ESR1: variants seen among roughly 807,000 people sequenced by gnomAD.
ESR1 encodes the protein estrogen receptor 1, also known as estrogen receptor.
A neutral mutation model predicts 52.7 loss-of-function variants in ESR1; 12 were observed. The observed-to-expected ratio is 0.23, with a 90% CI of 0.15 to 0.37. The LOEUF (loss-of-function observed/expected upper bound fraction) is 0.37, where lower values mean the gene tolerates loss of function less well. Among genes scored for constraint, ESR1 ranks in the 10% least tolerant of loss-of-function variants. ESR1 has a pLI of 1.00. For synonymous variants in ESR1, 305 were observed against 316.8 expected (o/e 0.96, Z 0.39); for missense variants, 584 against 779.7 (o/e 0.75, Z 2.99).
At chr6:151,744,508 A>G (rs1039845504) in intron 2 of ESR1, among the ~76,000 whole-genome samples, 1 of 152,208 alleles carries the variant, frequency 6.6e-6, no homozygotes, top group South Asian at 2.1e-4. Context: ...GGCCATTTGC[A>G]TATCTTCCTT....
intron 5 of ESR1, among the ~76,000 whole-genome samples, chr6:152,043,079 C>T (rs1447777909): frequency 6.6e-6 from 1 of 152,182 alleles, no homozygotes; most frequent in African/African-American, 2.4e-5. Context: ...GGTATATCTT[C>T]TGTACTCTCC....
rs545901617 is a variant in ESR1, at chr6:151,675,830, T to C, written n.73+19067T>C. ...ACAAAATTAGCAAAATTCGAATTGA[T>C]GCCGGAAACTGGTGAAGCCGCCATA... On this transcript the variant is annotated intron_variant and non_coding_transcript_variant, in intron 1 of 2. Transcript: ENST00000473497. 1.1e-3 allele frequency among the ~76,000 whole-genome samples: 168 copies of C among 152,312 alleles called. 1 individual carries two copies. Among genetic ancestry groups the C allele is most frequent in the African/African-American group, 3.9e-3 (163 of 41,566 alleles).
intron 6 of ESR1, among the ~76,000 whole-genome samples, chr6:152,092,410 T>C (rs1361860330): frequency 6.6e-6 from 1 of 152,214 alleles, no homozygotes; most frequent in Non-Finnish European, 1.5e-5. Context: ...CAGTTACAAC[T>C]CTGTTTACTA....
chr6:151,724,464 C>G (rs577494293), intron 2 of ESR1, among the ~76,000 whole-genome samples: 10 of 152,066 alleles, frequency 6.6e-5, no homozygotes, highest in Admixed American at 2.0e-4. Context: ...GATTAGGTCC[C>G]CACCCGATTA....
chr6:151,904,636 A>G (rs1797171523), intron 3 of ESR1, among the ~76,000 whole-genome samples: 1 of 152,170 alleles, frequency 6.6e-6, no homozygotes, highest in Non-Finnish European at 1.5e-5. Flanking sequence ...TTTCTCTCTC[A>G]ATAAATATGG....
intron 6 of ESR1, chr6:152,122,314 G>T: frequency 6.5e-7 from 1 of 1,529,188 alleles, no homozygotes; most frequent in Non-Finnish European, 9.0e-7. Flanking sequence ...CTGGAGGAGG[G>T]CTAAAGCTGC....
chr6:151,765,747 C>T (rs1446271166), intron 2 of ESR1, among the ~76,000 whole-genome samples: 1 of 152,160 alleles, frequency 6.6e-6, no homozygotes, highest in Admixed American at 6.5e-5. Flanking sequence ...TAACATAGGT[C>T]AGAATCTTTT....
intron 4 of ESR1, among the ~76,000 whole-genome samples, chr6:151,958,239 A>G (rs2037226510): frequency 6.6e-6 from 1 of 152,346 alleles, no homozygotes; most frequent in South Asian, 2.1e-4. Context: ...GTGTCAACTT[A>G]TACCATAGAT....
intron 5 of ESR1, among the ~76,000 whole-genome samples, chr6:152,044,157 T>C (rs1264213659): frequency 1.3e-5 from 2 of 152,208 alleles, no homozygotes; most frequent in Non-Finnish European, 2.9e-5. Context: ...GTCACTAAAC[T>C]CCTTGCCTCT....
intron 2 of ESR1, among the ~76,000 whole-genome samples, chr6:151,850,077 AAAT>A (rs1786223890): frequency 8.4e-5 from 6 of 71,478 alleles, no homozygotes; most frequent in East Asian, 8.3e-4. Flanking sequence ...TATATATAAA[AAAT>A]TATATATATA....
At chr6:151,764,998 G>A (rs890932730) in intron 2 of ESR1, among the ~76,000 whole-genome samples, 1 of 152,070 alleles carries the variant, frequency 6.6e-6, no homozygotes, top group Non-Finnish European at 1.5e-5. Context: ...CACACGTGTC[G>A]TTTAAACTTT....
intron 2 of ESR1, among the ~76,000 whole-genome samples, chr6:151,876,426 C>T (rs954793495): frequency 3.9e-5 from 6 of 152,122 alleles, no homozygotes; most frequent in Non-Finnish European, 7.4e-5. Context: ...AAAGGAGAGA[C>T]CTGCAATATT....
intron 2 of ESR1, among the ~76,000 whole-genome samples, chr6:151,771,933 C>G (rs1785553851): frequency 6.6e-6 from 1 of 152,150 alleles, no homozygotes; most frequent in Non-Finnish European, 1.5e-5. Flanking sequence ...CACTGCTTGA[C>G]TATTATTTTC....
intron 3 of ESR1, among the ~76,000 whole-genome samples, chr6:151,905,566 A>T (rs1584115696): frequency 6.6e-6 from 1 of 152,228 alleles, no homozygotes; most frequent in East Asian, 1.9e-4. Flanking sequence ...AAAAGGAAAT[A>T]TTCCTCTAAC....
Position 151,807,699 on chromosome 6 carries a change from C to T in ESR1, c.-214C>T. 1.6e-6 allele frequency: 1 copy of T among 614,060 alleles called. No individual in the cohort carries two copies. Among genetic ancestry groups the T allele is most frequent in the Non-Finnish European group, 2.9e-6 (1 of 344,798 alleles). 38.0% of individuals were successfully genotyped at this position (614,060 alleles called of 1,614,324 possible). A position where few individuals can be genotyped will look rare whatever the true frequency, so the allele number is the denominator to read the frequency against. On this transcript the variant is annotated 5_prime_UTR_variant, in exon 1 of 8. Coordinates refer to ENST00000206249, the MANE Select transcript of ESR1 (RefSeq NM_000125.4). ...AGCCCAGGAGCTGGCGGAGGGCGTT[C>T]GTCCTGGGACTGCACTTGCTCCCGT...
chr6:152,074,438 A>T (rs2048574783), intron 6 of ESR1, among the ~76,000 whole-genome samples: 1 of 152,054 alleles, frequency 6.6e-6, no homozygotes, highest in Non-Finnish European at 1.5e-5. Context: ...TCTTTTTATC[A>T]TTGAATACTA....
intron 2 of ESR1, among the ~76,000 whole-genome samples, chr6:151,763,400 G>A (rs931682592): frequency 6.6e-6 from 1 of 152,194 alleles, no homozygotes; most frequent in Non-Finnish European, 1.5e-5. Context: ...CATATTGAGC[G>A]ATTCCAACCC....
upstream of ESR1, chr6:151,805,779 G>A (rs1441044351): frequency 6.6e-6 from 1 of 152,438 alleles, no homozygotes; most frequent in East Asian, 1.9e-4. Flanking sequence ...ACTTCTACAA[G>A]CCCATGGAAC....
At chr6:151,947,788 A>AT (rs566493453) in intron 4 of ESR1, among the ~76,000 whole-genome samples, 3 of 151,956 alleles carry the variant, frequency 2.0e-5, no homozygotes, top group Non-Finnish European at 2.9e-5. Context: ...TTAAGAAATG[A>AT]TTTTTTTTCT....
Sources: allele counts gnomAD v4.1 joint callset (sites outside exome capture counted in the v4.1 genomes callset), GRCh38; gene constraint gnomAD v4.1.1; transcripts MANE v1.5; gene names NCBI Gene and HGNC (gene_info 2026-07-23, HGNC 2026-07-21).